The following GLRA3 variants were observed in gnomAD, a reference collection of about 807,000 sequenced individuals.
GLRA3 encodes glycine receptor alpha 3.
GLRA3 carries 44 observed loss-of-function variants against 60.4 expected under a neutral mutation model. The observed-to-expected ratio is 0.73, with a 90% CI of 0.57 to 0.94. GLRA3 has a LOEUF of 0.94. Among genes scored for constraint, GLRA3 ranks in the 40% least tolerant of loss-of-function variants. The pLI, the probability that GLRA3 is intolerant of heterozygous loss-of-function variation, is 0.00. For missense variants in GLRA3, 508 were observed against 564.6 expected (o/e 0.90, Z 1.02); for synonymous variants, 223 against 192.9 (o/e 1.16, Z -1.29).
intron 1 of GLRA3, among the ~76,000 whole-genome samples, chr4:174,796,065 T>A (rs1440417856): frequency 3.3e-5 from 5 of 152,208 alleles, no homozygotes; most frequent in African/African-American, 7.2e-5. Context: ...AGTCATATGT[T>A]AAAATTCTAA....
At chr4:174,661,241 CATCT>C (rs1733424020) in intron 7 of GLRA3, among the ~76,000 whole-genome samples, 1 of 152,006 alleles carries the variant, frequency 6.6e-6, no homozygotes, top group Admixed American at 6.6e-5. Context: ...TCTATCTATC[CATCT>C]ATCCATCAAA....
intron 5 of GLRA3, among the ~76,000 whole-genome samples, chr4:174,691,862 G>T (rs1229440867): frequency 1.3e-5 from 2 of 151,650 alleles, no homozygotes; most frequent in Non-Finnish European, 2.9e-5. Flanking sequence ...CATCGTCTGG[G>T]ATGTGAGGAG....
chr4:174,728,081 T>C (rs1028409979), intron 4 of GLRA3, among the ~76,000 whole-genome samples: 1 of 152,174 alleles, frequency 6.6e-6, no homozygotes, highest in African/African-American at 2.4e-5. Context: ...AAATAATCTA[T>C]GTAGAATGTA....
intron 5 of GLRA3, among the ~76,000 whole-genome samples, chr4:174,710,391 G>A (rs1735674978): frequency 6.6e-6 from 1 of 152,010 alleles, no homozygotes; most frequent in East Asian, 1.9e-4. Context: ...CTTTTTCCAT[G>A]AATCACCTTC....
At position 174,767,038 on chromosome 4, in the gene GLRA3, A is replaced by G; in HGVS notation, c.200-8T>C. 3 of 1,552,650 alleles carry G rather than the reference A, an allele frequency of 1.9e-6. No individual in the cohort carries two copies. Among genetic ancestry groups the G allele is most frequent in the East Asian group, 2.3e-5 (1 of 44,384 alleles). On this transcript the variant is annotated splice_polypyrimidine_tract_variant and splice_region_variant and intron_variant, in intron 2 of 9. Coordinates refer to ENST00000274093, the MANE Select transcript of GLRA3 (RefSeq NM_006529.4). ...TGACATTAACTGGAGGGCCTGAAAAAGAGATGAAAACATAAGGGCTGTTTA... is the reference window on the plus strand; with the variant it reads ...TGACATTAACTGGAGGGCCTGAAAAGGAGATGAAAACATAAGGGCTGTTTA...
chr4:174,656,764 C>G lies in GLRA3; in HGVS notation c.1095G>C (p.Lys365Asn). 1.9e-6 allele frequency: 3 copies of G among 1,587,880 alleles called. No homozygotes were observed. The highest frequency in any genetic ancestry group is 2.6e-6 in the Non-Finnish European group (3 of 1,156,508). ...KNKTEAFALE[K>N]FYRFSDMDDE... Reference sequence around the variant, plus strand: ...TTACCATATCTGAGAAACGGTAAAACTTCTCCAGTGCAAAAGCTTCTGTCT... The same window carrying G: ...TTACCATATCTGAGAAACGGTAAAAGTTCTCCAGTGCAAAAGCTTCTGTCT... Residue 365 changes from lysine to asparagine, a missense_variant, in exon 9 of 10, where the codon AAG (lysine) becomes AAC (asparagine). This residue lies in a region of GLRA3 where 176 missense variants were observed against 197.9 expected (regional missense o/e 0.89). Transcript: ENST00000274093.
intron 6 of GLRA3, among the ~76,000 whole-genome samples, 199 bp downstream of exon 6, chr4:174,682,603 C>A (rs1462566831): frequency 1.3e-5 from 2 of 152,138 alleles, no homozygotes; most frequent in Non-Finnish European, 2.9e-5. Context: ...CCAAGCATTA[C>A]TTTCGTCTCA....
intron 3 of GLRA3, among the ~76,000 whole-genome samples, chr4:174,756,690 G>T (rs1044155607): frequency 5.1e-4 from 75 of 147,640 alleles, no homozygotes; most frequent in African/African-American, 1.8e-3. Context: ...TTTTGCCCAG[G>T]CTGGAGTGCA....
chr4:174,779,832 T>C (rs1488463286), intron 2 of GLRA3, among the ~76,000 whole-genome samples: 1 of 151,812 alleles, frequency 6.6e-6, no homozygotes, highest in Non-Finnish European at 1.5e-5. Flanking sequence ...CAAATCTACG[T>C]CTGATTGGTG....
chr4:174,732,224 G>A (rs1045447869), intron 3 of GLRA3, among the ~76,000 whole-genome samples: 6 of 147,250 alleles, frequency 4.1e-5, no homozygotes, highest in African/African-American at 7.3e-5. Flanking sequence ...GTGTGGTGGC[G>A]TGCGCCTGTA....
chr4:174,815,863 T>G (rs1464600679), intron 1 of GLRA3, among the ~76,000 whole-genome samples: 1 of 152,322 alleles, frequency 6.6e-6, no homozygotes, highest in African/African-American at 2.4e-5. Flanking sequence ...CCCATTATCT[T>G]GGTGACTAAC....
At chr4:174,780,763 A>G (rs1278160117) in intron 2 of GLRA3, among the ~76,000 whole-genome samples, 1 of 152,142 alleles carries the variant, frequency 6.6e-6, no homozygotes, top group African/African-American at 2.4e-5. Context: ...AGAAGAGCTA[A>G]CTATCCTAAA....
At chr4:174,761,117 A>T (rs533271501) in intron 3 of GLRA3, among the ~76,000 whole-genome samples, 1 of 152,182 alleles carries the variant, frequency 6.6e-6, no homozygotes, top group South Asian at 2.1e-4. Flanking sequence ...AGATGGTGAT[A>T]GTTTTTTTTA....
At chr4:174,703,353 G>C (rs1199498224) in intron 5 of GLRA3, among the ~76,000 whole-genome samples, 1 of 152,046 alleles carries the variant, frequency 6.6e-6, no homozygotes, top group Non-Finnish European at 1.5e-5. Context: ...TCTCAGTATG[G>C]TATCAAAACA....
Position 174,828,818 on chromosome 4 carries a change from G to A in GLRA3, c.-7C>T, listed in dbSNP as rs1272067385. 6.3e-7 allele frequency: 1 copy of A among 1,593,438 alleles called. No homozygotes were observed. Among genetic ancestry groups the A allele is most frequent in the South Asian group, 1.1e-5 (1 of 90,692 alleles). On this transcript the variant is annotated 5_prime_UTR_variant, in exon 1 of 10. Transcript: ENST00000274093. ...AGTGTCTCACGTGGGCCATGATACG[G>A]AGAGATATTCACGATCCTGAAAATA...
chr4:174,748,440 A>C (rs1377738822), intron 3 of GLRA3, among the ~76,000 whole-genome samples: 1 of 152,200 alleles, frequency 6.6e-6, no homozygotes, highest in Non-Finnish European at 1.5e-5. Context: ...TATGGGAATA[A>C]CTAGAAATAA....
chr4:174,795,210 C>T lies in GLRA3; in HGVS notation c.72-6267G>A, dbSNP rs191047528. On this transcript the variant is annotated intron_variant, in intron 1 of 9. Transcript: ENST00000274093. ...CTTTTATCACTAACATAGACCAAGA[C>T]GGAAGATATATCTTTGGTAAATACC... 7.6e-4 allele frequency among the ~76,000 whole-genome samples: 116 copies of T among 151,946 alleles called. No homozygotes were observed. The South Asian group carries it at 0.016, about 21-fold the overall frequency.
intron 1 of GLRA3, among the ~76,000 whole-genome samples, chr4:174,797,295 T>C (rs1311612564): frequency 1.3e-5 from 2 of 152,202 alleles, no homozygotes; most frequent in Non-Finnish European, 2.9e-5. Flanking sequence ...AAATTAGCTA[T>C]GATCGGTACT....
rs187888699 is a variant in GLRA3 at position 174,795,626 on chromosome 4, A to G, written c.72-6683T>C. Among the ~76,000 whole-genome samples, 3 of 152,336 alleles carry G rather than the reference A, an allele frequency of 2.0e-5. No individual in the cohort carries two copies. The East Asian group carries it at 5.8e-4, about 29-fold the overall frequency. ...TAAAATTAAAGTGCATTTATTTATT[A>G]TGTAAAAGTATCCTTTCTTATACCA... On this transcript the variant is annotated intron_variant, in intron 1 of 9. Transcript: ENST00000274093.
Sources: gnomAD v4.1 joint callset for allele counts (sites outside exome capture counted in the v4.1 genomes callset) on GRCh38, gnomAD v4.1.1 for gene constraint, gnomAD v4.1.1 regional missense constraint, MANE v1.5 for transcripts, NCBI Gene and HGNC (gene_info 2026-07-23, HGNC 2026-07-21) for gene names.